STXBP4: variants seen among roughly 807,000 people sequenced by gnomAD.
STXBP4 encodes syntaxin binding protein 4, also known as syntaxin-binding protein 4.
In STXBP4, 55 loss-of-function variants were observed where a neutral mutation model predicts 76.1. The ratio of observed to expected loss-of-function variants is 0.72; its 90% CI spans 0.58 to 0.91. The LOEUF (loss-of-function observed/expected upper bound fraction) is 0.91, where lower values mean the gene tolerates loss of function less well. Ranked by LOEUF, STXBP4 falls within the 40% of genes least tolerant of loss-of-function variation. STXBP4 has a pLI of 0.00. For missense variants in STXBP4, 618 were observed against 636.9 expected, an observed-to-expected ratio of 0.97 and a Z score of 0.32; for synonymous variants, 201 against 220.2, an observed-to-expected ratio of 0.91 and a Z score of 0.77.
intron 13 of STXBP4, 96 bp from the exon 14 acceptor site, chr17:55,077,982 G>T: frequency 2.8e-6 from 2 of 719,588 alleles, no homozygotes; most frequent in Non-Finnish European, 4.6e-6. Context: ...AGATAATTTG[G>T]TAATATTGAA....
intron 15 of STXBP4, among the ~76,000 whole-genome samples, chr17:55,079,444 T>G (rs751537770): frequency 7.9e-5 from 12 of 152,002 alleles, no homozygotes; most frequent in Admixed American, 1.3e-4. Flanking sequence ...CTTCTAGCAA[T>G]ATACGCTTGC....
rs1364730893 is a variant in STXBP4, at chr17:55,083,272, G to T, written c.1489+2089G>T. Among the ~76,000 whole-genome samples, 6 of 151,798 alleles carry T rather than the reference G, an allele frequency of 4.0e-5. No homozygotes were observed. The South Asian group carries it at 1.3e-3, about 32-fold the overall frequency. ...ATTAAAGCCATGAGCCACCACACCC[G>T]GCCAGAAAAGAGCTTTTAAAAAGTA... On this transcript the variant is annotated intron_variant, in intron 16 of 17. Transcript: ENST00000376352.
At chr17:55,103,764 G>A (rs1019704351) in intron 16 of STXBP4, among the ~76,000 whole-genome samples, 1 of 152,134 alleles carries the variant, frequency 6.6e-6, no homozygotes, top group African/African-American at 2.4e-5. Context: ...CTATCCATGA[G>A]CATGGAATGT....
intron 16 of STXBP4, among the ~76,000 whole-genome samples, chr17:55,113,320 A>G (rs2079744551): frequency 6.6e-6 from 1 of 151,788 alleles, no homozygotes; most frequent in Non-Finnish European, 1.5e-5. Context: ...TAATCATTTC[A>G]CCATGTATTT....
At chr17:54,986,646 T>C (rs2077630817) in intron 3 of STXBP4, among the ~76,000 whole-genome samples, 1 of 152,156 alleles carries the variant, frequency 6.6e-6, no homozygotes, top group African/African-American at 2.4e-5. Context: ...TAATAAAAAA[T>C]AGACAATTGT....
At chr17:55,125,030 AGC>A (rs1228592307) in intron 16 of STXBP4, among the ~76,000 whole-genome samples, 1 of 152,224 alleles carries the variant, frequency 6.6e-6, no homozygotes, top group Non-Finnish European at 1.5e-5. Context: ...GCAGCCATAT[AGC>A]AGGGGTGAGA....
chr17:55,082,314 T>A (rs961368976), intron 16 of STXBP4, among the ~76,000 whole-genome samples: 12 of 152,184 alleles, frequency 7.9e-5, no homozygotes, highest in Admixed American at 2.6e-4. Flanking sequence ...TCCAAATGAT[T>A]GTCCAAAATG....
At chr17:55,145,735 CTG>C (rs59653900) in intron 17 of STXBP4, among the ~76,000 whole-genome samples, 5 of 151,172 alleles carry the variant, frequency 3.3e-5, no homozygotes, top group Non-Finnish European at 5.9e-5. Flanking sequence ...GTGTATGTTT[CTG>C]TGTGTGTGTG....
At chr17:55,110,762 C>T (rs958183955) in intron 16 of STXBP4, among the ~76,000 whole-genome samples, 2 of 152,144 alleles carry the variant, frequency 1.3e-5, no homozygotes, top group Non-Finnish European at 2.9e-5. Context: ...AGGCGGCAGT[C>T]CAGATTTGGC....
intron 8 of STXBP4, among the ~76,000 whole-genome samples, chr17:55,013,418 G>A (rs1176092927): frequency 6.6e-6 from 1 of 152,196 alleles, no homozygotes; most frequent in Non-Finnish European, 1.5e-5. Flanking sequence ...ATAATGGCCT[G>A]GCTATTTTGC....
At chr17:55,004,582 T>G (rs2077973318) in intron 7 of STXBP4, among the ~76,000 whole-genome samples, 1 of 151,916 alleles carries the variant, frequency 6.6e-6, no homozygotes, top group Admixed American at 6.6e-5. Flanking sequence ...ACACCTGTGG[T>G]TCCAGCTACT....
intron 12 of STXBP4, among the ~76,000 whole-genome samples, chr17:55,061,689 T>A (rs2078996644): frequency 6.6e-6 from 1 of 152,218 alleles, no homozygotes; most frequent in Non-Finnish European, 1.5e-5. Context: ...TATATCTCCA[T>A]AATGTTGTCA....
At chr17:55,058,629 A>G (rs1366721030) in intron 12 of STXBP4, among the ~76,000 whole-genome samples, 9 of 152,182 alleles carry the variant, frequency 5.9e-5, no homozygotes. Context: ...CTTGCATGAT[A>G]TGGCCCACTG....
At chr17:55,206,808 G>A in the STXBP4 span, among the ~76,000 whole-genome samples, 7 of 136,874 alleles carry the variant, frequency 5.1e-5, no homozygotes, top group Admixed American at 5.6e-4. Context: ...AGTGAGCCAA[G>A]ATCATGCCAC....
the STXBP4 span, among the ~76,000 whole-genome samples, chr17:55,194,902 A>G: frequency 6.6e-6 from 1 of 152,220 alleles, no homozygotes; most frequent in South Asian, 2.1e-4. Flanking sequence ...GAGCCAGGGT[A>G]ATGAGCTGAC....
At chr17:54,988,750 G>C (rs1477328270) in intron 3 of STXBP4, among the ~76,000 whole-genome samples, 6 of 152,006 alleles carry the variant, frequency 3.9e-5, no homozygotes, top group African/African-American at 1.4e-4. Flanking sequence ...CTCCAGCCAG[G>C]ACAGAGCAAG....
chr17:55,061,552 G>C (rs1237738681), intron 12 of STXBP4, among the ~76,000 whole-genome samples: 1 of 152,092 alleles, frequency 6.6e-6, no homozygotes, highest in Non-Finnish European at 1.5e-5. Flanking sequence ...TAGTCACTGT[G>C]GCCTCAGAAT....
chr17:54,971,731 A>G (rs1019194758), intron 1 of STXBP4, among the ~76,000 whole-genome samples: 2 of 152,082 alleles, frequency 1.3e-5, no homozygotes, highest in Admixed American at 6.5e-5. Flanking sequence ...ATGCCTCTTC[A>G]GTCTTCTTCA....
At chr17:55,209,546 A>T in the STXBP4 span, among the ~76,000 whole-genome samples, 2 of 152,204 alleles carry the variant, frequency 1.3e-5, no homozygotes, top group Admixed American at 6.5e-5. Context: ...AGATGAAAAT[A>T]GCCACTTTAC....
Sources: allele counts gnomAD v4.1 joint callset (sites outside exome capture counted in the v4.1 genomes callset), GRCh38; gene constraint gnomAD v4.1.1; transcripts MANE v1.5; gene names NCBI Gene and HGNC (gene_info 2026-07-23, HGNC 2026-07-21).